The following RSRC2 variants were observed in gnomAD, a reference collection of about 807,000 sequenced individuals.
RSRC2 encodes arginine and serine rich coiled-coil 2.
In RSRC2, 5 loss-of-function variants were observed where a neutral mutation model predicts 61.3. The ratio of observed to expected loss-of-function variants is 0.08; its 90% CI spans 0.04 to 0.17. The LOEUF (loss-of-function observed/expected upper bound fraction) is 0.17, where lower values mean the gene tolerates loss of function less well. Among genes scored for constraint, RSRC2 ranks in the 10% least tolerant of loss-of-function variants. The probability of loss-of-function intolerance (pLI) is 1.00; values close to 1 mark genes in which losing one functional copy is unlikely to be tolerated. For synonymous variants in RSRC2, 202 were observed against 166.5 expected, an observed-to-expected ratio of 1.21 and a Z score of -1.64; for missense variants, 381 against 518.8, an observed-to-expected ratio of 0.73 and a Z score of 2.58.
rs1959196734 is a variant in RSRC2, at chr12:122,521,148, A to T, written c.207+237T>A. On this transcript the variant is annotated intron_variant, in intron 3 of 9. Coordinates refer to ENST00000331738, the MANE Select transcript of RSRC2 (RefSeq NM_023012.6). ...AAAACCAATCATATTCTTCATATGA[A>T]ATTTTTATTGTGAATATTTTCACAA... 9.3e-6 allele frequency: 4 copies of T among 428,584 alleles called. No homozygotes were observed. In the South Asian group the frequency reaches 1.6e-4, roughly 17 times the overall value. The allele number at this position is 428,584 out of a possible 1,614,324, so 26.5% of individuals were successfully genotyped here.
intron 4 of RSRC2, 29 bp from the exon 5 acceptor site, chr12:122,517,459 T>A: frequency 1.9e-6 from 3 of 1,613,256 alleles, no homozygotes; most frequent in Non-Finnish European, 2.5e-6. Context: ...AATTTGTAAT[T>A]ACTTAAAAGT....
At position 122,522,466 on chromosome 12, in the gene RSRC2, G is replaced by A; in HGVS notation, c.7-167C>T. The A allele has an allele frequency of 7.0e-6, 4 of 570,856 alleles. No homozygotes were observed. In the South Asian group the frequency reaches 1.3e-4, roughly 19 times the overall value. 35.4% of individuals were successfully genotyped at this position (570,856 alleles called of 1,614,324 possible). A position where few individuals can be genotyped will look rare whatever the true frequency, so the allele number is the denominator to read the frequency against. On this transcript the variant is annotated intron_variant, in intron 1 of 9. Transcript: ENST00000331738. ...CTTTGTACACTAATAAGGCTGAATG[G>A]CTTGAAATGACGAACCTGATACTAA...
chr12:122,523,059 G>T (rs1959463420), intron 1 of RSRC2: 2 of 152,150 alleles, frequency 1.3e-5, no homozygotes, highest in Non-Finnish European at 2.9e-5. Flanking sequence ...TGATACACCT[G>T]GGGAATTGAT....
Position 122,505,532 on chromosome 12 carries a change from C to T in RSRC2, c.1300G>A (p.Val434Ile), listed in dbSNP as rs1364693201. ...CTTTACAAGTGTGATCATTTTCAAA[C>T]TGCATCCATTCCTCGCATTGAAGAT... ...FTSSMRGMDA[V>I] The change falls in exon 10 of 10, where the codon GTT becomes ATT. Residue 434 changes from valine to isoleucine, a missense_variant. Around this residue, in one of 4 missense-constraint regions of RSRC2, gnomAD observed 78 missense variants for 183.0 expected, o/e 0.43. Coordinates refer to ENST00000331738, the MANE Select transcript of RSRC2 (RefSeq NM_023012.6). 1.2e-6 allele frequency: 2 copies of T among 1,613,224 alleles called. No individual in the cohort carries two copies. Among genetic ancestry groups the T allele is most frequent in the East Asian group, 2.2e-5 (1 of 44,852 alleles).
At position 122,518,988 on chromosome 12, in the gene RSRC2, A is replaced by G; in HGVS notation, c.249T>C (p.His83=). 1 of 1,613,614 alleles carries G rather than the reference A, an allele frequency of 6.2e-7. No homozygotes were observed. Among genetic ancestry groups the G allele is most frequent in the Non-Finnish European group, 8.5e-7 (1 of 1,179,794 alleles). ...HESKDKSSKK[H]KSEEHNDKEH... ...CTTTGTCATTATGTTCCTCAGACTTATGTTTCTTAGAGGATTTATCTTTGG... is the reference window on the plus strand; with the variant it reads ...CTTTGTCATTATGTTCCTCAGACTTGTGTTTCTTAGAGGATTTATCTTTGG... The change falls in exon 4 of 10, where the codon CAT becomes CAC. Residue 83 remains histidine (H), a synonymous_variant. Coordinates refer to ENST00000331738, the MANE Select transcript of RSRC2 (RefSeq NM_023012.6).
At chr12:122,520,220 C>A in intron 3 of RSRC2, 1 of 256,106 alleles carries the variant, frequency 3.9e-6, no homozygotes, top group South Asian at 3.8e-5. Context: ...GATCATAGTA[C>A]ATAATTTATT....
intron 2 of RSRC2, among the ~76,000 whole-genome samples, chr12:122,521,749 G>A (rs112453955): frequency 6.5e-4 from 99 of 152,254 alleles, no homozygotes; most frequent in African/African-American, 2.3e-3. Context: ...ATAGAGAGAG[G>A]TAAGCCATTA....
At chr12:122,506,358 G>GT (rs1041136904) in intron 9 of RSRC2, 3 of 155,520 alleles carry the variant, frequency 1.9e-5, no homozygotes, top group African/African-American at 7.2e-5. Context: ...ATAGCAGGGT[G>GT]TAACAAAAGT....
chr12:122,508,619 T>C (rs1958273953), intron 7 of RSRC2, among the ~76,000 whole-genome samples, 172 bp from the exon 8 acceptor site: 1 of 152,200 alleles, frequency 6.6e-6, no homozygotes, highest in Non-Finnish European at 1.5e-5. Context: ...CAAACATTTA[T>C]TGTGTTCATC....
chr12:122,509,412 T>G (rs1213689529), intron 7 of RSRC2, among the ~76,000 whole-genome samples: 1 of 150,912 alleles, frequency 6.6e-6, no homozygotes, highest in Non-Finnish European at 1.5e-5. Flanking sequence ...ATTGTGCCAC[T>G]GTACTCCAGC....
intron 6 of RSRC2, chr12:122,514,769 CT>C: frequency 9.3e-7 from 1 of 1,075,500 alleles, no homozygotes; most frequent in Non-Finnish European, 1.2e-6. Flanking sequence ...GAAAAGTCAT[CT>C]TAGATGAGAA....
chr12:122,511,248 C>A (rs768173152), intron 6 of RSRC2, 60 bp from the exon 7 acceptor site: 32 of 1,290,784 alleles, frequency 2.5e-5, no homozygotes, highest in Non-Finnish European at 3.3e-5. Flanking sequence ...ATGTATATAT[C>A]TCTCTATATG....
At position 122,526,861 on chromosome 12, in the gene RSRC2, A is replaced by C; in HGVS notation, c.-8T>G. 1.2e-6 allele frequency: 2 copies of C among 1,614,238 alleles called. No homozygotes were observed. The highest frequency in any genetic ancestry group is 2.2e-5 in the South Asian group (2 of 91,088). ...TTCGGTACCTACCGCCATAGTTCAG[A>C]GTCCCGGCCGCTAGAGCGGCGCCTC... On this transcript the variant is annotated 5_prime_UTR_variant, in exon 1 of 10. Transcript: ENST00000331738.
intron 8 of RSRC2, chr12:122,507,874 G>GTA: frequency 2.8e-6 from 1 of 360,824 alleles, no homozygotes; most frequent in Non-Finnish European, 5.4e-6. Context: ...TTGGCTCACT[G>GTA]TATGTAGGCT....
chr12:122,519,731 T>C (rs982019525), intron 3 of RSRC2: 1 of 152,474 alleles, frequency 6.6e-6, no homozygotes, highest in Non-Finnish European at 1.5e-5. Context: ...ACAATCCACA[T>C]GCCATCACAC....
intron 3 of RSRC2, chr12:122,519,520 G>A (rs1402274428): frequency 1.9e-5 from 3 of 157,108 alleles, no homozygotes; most frequent in African/African-American, 7.2e-5. Flanking sequence ...ACACAGAGAT[G>A]CAGTGTCCCT....
intron 4 of RSRC2, 97 bp from the exon 5 acceptor site, chr12:122,517,527 C>A: frequency 7.0e-7 from 1 of 1,428,000 alleles, no homozygotes; most frequent in East Asian, 2.4e-5. Context: ...GCAATAAAGA[C>A]AAGCAAGTAA....
At chr12:122,526,730 G>A (rs1317559428) in intron 1 of RSRC2, 118 bp downstream of exon 1, 16 of 1,198,164 alleles carry the variant, frequency 1.3e-5, no homozygotes, top group Admixed American at 1.8e-5. Context: ...GCAGAAGAAG[G>A]CCGCGGCGCC....
chr12:122,505,257 T>A lies in RSRC2; in HGVS notation c.*270A>T, dbSNP rs1593347157. 1 of 302,022 alleles carries A rather than the reference T, an allele frequency of 3.3e-6. No individual in the cohort carries two copies. The highest frequency in any genetic ancestry group is 2.2e-5 in the African/African-American group (1 of 46,370). 18.7% of individuals were successfully genotyped at this position (302,022 alleles called of 1,614,324 possible). On this transcript the variant is annotated 3_prime_UTR_variant, in exon 10 of 10. Coordinates refer to ENST00000331738, the MANE Select transcript of RSRC2 (RefSeq NM_023012.6). ...CCATGTATGAGATTTTATCCCCACC[T>A]GCAGCTTTTATATATTTGAAAAGTA...
Sources: gnomAD v4.1 joint callset for allele counts (sites outside exome capture counted in the v4.1 genomes callset) on GRCh38, gnomAD v4.1.1 for gene constraint, gnomAD v4.1.1 regional missense constraint, MANE v1.5 for transcripts, NCBI Gene and HGNC (gene_info 2026-07-23, HGNC 2026-07-21) for gene names.